The following KIF7 variants were observed in gnomAD, a reference collection of about 807,000 sequenced individuals.
The protein encoded by KIF7 is kinesin-like protein KIF7.
A neutral mutation model predicts 135.7 loss-of-function variants in KIF7; 104 were observed. The ratio of observed to expected loss-of-function variants is 0.77; its 90% CI spans 0.65 to 0.90. The LOEUF is 0.90. Ranked by LOEUF, KIF7 falls within the 40% of genes least tolerant of loss-of-function variation. The pLI is 0.00. For synonymous variants in KIF7, 883 were observed against 809.4 expected (o/e 1.09, Z -1.54); for missense variants, 2,005 against 1,839.1 (o/e 1.09, Z -1.65).
intron 13 of KIF7, 54 bp from the exon 14 acceptor site, chr15:89,633,050 T>A: frequency 6.5e-7 from 1 of 1,545,010 alleles, no homozygotes; most frequent in Admixed American, 1.7e-5. Context: ...TCTGGCTGTG[T>A]CAGCCGCCAC....
At chr15:89,620,740 T>C (rs1415195495) in intron 1 of KIF7, among the ~76,000 whole-genome samples, 1 of 152,060 alleles carries the variant, frequency 6.6e-6, no homozygotes, top group African/African-American at 2.4e-5. Context: ...GTTTGTTTTT[T>C]GAGATGGAGT....
At chr15:89,624,136 C>T (rs140978691), downstream of KIF7, 301 of 1,613,746 alleles carry the variant, frequency 1.9e-4, no homozygotes, top group Non-Finnish European at 2.4e-4. Context: ...CAGAGCTGCT[C>T]GGGCAGAGGA....
At chr15:89,621,744 C>T (rs1963428615) in intron 1 of KIF7, among the ~76,000 whole-genome samples, 1 of 152,084 alleles carries the variant, frequency 6.6e-6, no homozygotes, top group Admixed American at 6.6e-5. Flanking sequence ...TTGACTGAAG[C>T]CACGGTGGGG....
In KIF7 at chr15:89,648,988, G is replaced by A. The variant is rs1964074345; in HGVS notation, c.909C>T (p.Asp303=). The stretch of plus-strand genomic sequence containing the variant: ...GGGCAGCTCACCGGGTGATCTTGGA[G>A]TCGCGGTAGGGTATGTGGCTGCCCC... The part of the protein sequence containing the change: ...QRRGSHIPYR[D]SKITRILKDS... The change falls in exon 4 of 19, where the codon GAC becomes GAT. Residue 303 remains aspartate, a synonymous_variant. Coordinates refer to ENST00000394412, the MANE Select transcript of KIF7 (RefSeq NM_198525.3). 1 of 1,539,560 alleles carries A rather than the reference G, an allele frequency of 6.5e-7. No homozygotes were observed. Among genetic ancestry groups the A allele is most frequent in the Non-Finnish European group, 8.8e-7 (1 of 1,141,404 alleles).
chr15:89,619,876 G>T, intron 1 of KIF7: 1 of 1,567,850 alleles, frequency 6.4e-7, no homozygotes, highest in Non-Finnish European at 8.6e-7. Flanking sequence ...TCACAAGTCC[G>T]TGCTGACTTG....
chr15:89,639,283 C>T (rs528802856), intron 11 of KIF7, among the ~76,000 whole-genome samples: 2,811 of 151,574 alleles, frequency 0.019, 79 homozygotes, highest in African/African-American at 0.059. Context: ...AAGCCAAAAT[C>T]GACAAATGGG....
At chr15:89,630,563 A>C in intron 15 of KIF7, 70 bp from the exon 16 acceptor site, 2 of 1,297,816 alleles carry the variant, frequency 1.5e-6, no homozygotes, top group Non-Finnish European at 2.2e-6. Flanking sequence ...GCAGACATGC[A>C]ACAGCCAACA....
In KIF7 at chr15:89,648,728, C is replaced by A. The variant is rs1445303271; in HGVS notation, c.970G>T (p.Ala324Ser). The change falls in exon 5 of 19, where the codon GCC becomes TCC. Residue 324 changes from alanine to serine, a missense_variant. Transcript: ENST00000394412. ...TCGGAGGAGGAAGGGCTGACGCAGG[C>A]GATCATCACCGTCTTGGCGTTCCCG... ...LGGNAKTVMI[A>S]CVSPSSSDFD... 6.5e-7 allele frequency: 1 copy of A among 1,536,090 alleles called. No individual in the cohort carries two copies.
intron 1 of KIF7, chr15:89,621,533 G>T (rs1367097724): frequency 6.2e-7 from 1 of 1,612,060 alleles, no homozygotes; most frequent in Non-Finnish European, 8.5e-7. Flanking sequence ...GGATTCGGAG[G>T]TACCTGCAGC....
downstream of KIF7, chr15:89,624,231 G>A (rs1161400448): frequency 6.8e-6 from 11 of 1,613,988 alleles, no homozygotes; most frequent in East Asian, 2.2e-5. Flanking sequence ...CACCTGTTAC[G>A]CCAAAGAAAC....
chr15:89,625,354 A>T (rs1963501505), downstream of KIF7: 1 of 1,613,832 alleles, frequency 6.2e-7, no homozygotes, highest in Non-Finnish European at 8.5e-7. Flanking sequence ...TCCAGACATA[A>T]TTAAAGACTG....
chr15:89,625,859 G>T, downstream of KIF7: 1 of 1,545,008 alleles, frequency 6.5e-7, no homozygotes, highest in Non-Finnish European at 8.7e-7. Context: ...AGGCACTTGG[G>T]AGTTGCTTCT....
chr15:89,648,561 G>C lies in KIF7; in HGVS notation c.1137C>G (p.Arg379=). The C allele has an allele frequency of 2.1e-6, 3 of 1,447,484 alleles. No homozygotes were observed. Among genetic ancestry groups the C allele is most frequent in the Non-Finnish European group, 2.7e-6 (3 of 1,100,688 alleles). 89.7% of individuals were successfully genotyped at this position (1,447,484 alleles called of 1,614,324 possible). ...ASGARGPPRH[R]SETRIIHRGR... ...CGCGGTGGATGATGCGGGTCTCGGA[G>C]CGGTGCCGTGGCGGACCCCGCGCGC... The change falls in exon 5 of 19, where the codon CGC becomes CGG. Residue 379 remains arginine (R), a synonymous_variant. Coordinates refer to ENST00000394412, the MANE Select transcript of KIF7 (RefSeq NM_198525.3).
intron 11 of KIF7, among the ~76,000 whole-genome samples, chr15:89,641,800 C>G (rs1013976999): frequency 2.0e-5 from 3 of 152,044 alleles, no homozygotes; most frequent in African/African-American, 7.2e-5. Context: ...GACTCTGTCT[C>G]AAAGAAAGAC....
At position 89,649,407 on chromosome 15, in the gene KIF7, G is replaced by A. The variant is rs1964086675; in HGVS notation, c.530-40C>T. The A allele has an allele frequency of 3.5e-6, 5 of 1,443,822 alleles. No homozygotes were observed. The Admixed American group carries it at 8.6e-5, about 25-fold the overall frequency. The allele number at this position is 1,443,822 out of a possible 1,614,324, so 89.4% of individuals were successfully genotyped here. A position where few individuals can be genotyped will look rare whatever the true frequency, so the allele number is the denominator to read the frequency against. On this transcript the variant is annotated intron_variant, in intron 3 of 18. Coordinates refer to ENST00000394412, the MANE Select transcript of KIF7 (RefSeq NM_198525.3). ...GGCCGTGAGCCCCAGGGCAGGGGCCGCCAGACTGACCAGCCAGGAGGGCAG... is the reference window on the plus strand; with the variant it reads ...GGCCGTGAGCCCCAGGGCAGGGGCCACCAGACTGACCAGCCAGGAGGGCAG...
At chr15:89,646,150 C>T (rs1313673555) in intron 7 of KIF7, 124 bp from the exon 8 acceptor site, 7 of 1,236,256 alleles carry the variant, frequency 5.7e-6, no homozygotes, top group African/African-American at 1.5e-5. Flanking sequence ...GCTCAAATGA[C>T]CCCTCTGGCA....
Position 89,628,089 on chromosome 15 carries a change from C to A in KIF7, c.*330G>T, listed in dbSNP as rs566074793. 2 of 269,668 alleles carry A rather than the reference C, an allele frequency of 7.4e-6. No individual in the cohort carries two copies. The highest frequency in any genetic ancestry group is 1.4e-5 in the Non-Finnish European group (2 of 143,934). The allele number at this position is 269,668 out of a possible 1,614,324, so 16.7% of individuals were successfully genotyped here. ...ACAACCTGGTTACCACCGACCCTTT[C>A]GTGATGATTCTTGGCCAAACCCCTG... On this transcript the variant is annotated 3_prime_UTR_variant, in exon 19 of 19. Coordinates refer to ENST00000394412, the MANE Select transcript of KIF7 (RefSeq NM_198525.3).
intron 1 of KIF7, among the ~76,000 whole-genome samples, chr15:89,620,039 A>G (rs180752671): frequency 6.6e-6 from 1 of 152,306 alleles, no homozygotes; most frequent in East Asian, 1.9e-4. Flanking sequence ...GACTCCTACA[A>G]CTGGTCATCC....
Position 89,632,884 on chromosome 15 carries a change from G to T in KIF7, c.2831C>A (p.Ala944Asp). 6.2e-7 allele frequency: 1 copy of T among 1,610,316 alleles called. No individual in the cohort carries two copies. Among genetic ancestry groups the T allele is most frequent in the Non-Finnish European group, 8.5e-7 (1 of 1,179,870 alleles). The change falls in exon 14 of 19, where the codon GCC (alanine) becomes GAC (aspartate). Residue 944 changes from alanine to aspartate, a missense_variant. Coordinates refer to ENST00000394412, the MANE Select transcript of KIF7 (RefSeq NM_198525.3). Reference sequence around the variant, plus strand: ...CTCCTGCATCAGGGCCTCCTTCTTGGCCAGGATGGCCTCCCGCTTGTGGAG... The same window carrying T: ...CTCCTGCATCAGGGCCTCCTTCTTGTCCAGGATGGCCTCCCGCTTGTGGAG... ...EELHKREAIL[A>D]KKEALMQEKT... is the part of the protein sequence containing the mutation.
Sources: gnomAD v4.1 joint callset for allele counts (sites outside exome capture counted in the v4.1 genomes callset) on GRCh38, gnomAD v4.1.1 for gene constraint, MANE v1.5 for transcripts, NCBI Gene and HGNC (gene_info 2026-07-23, HGNC 2026-07-21) for gene names.